ATRX: variants seen among roughly 807,000 people sequenced by gnomAD.
ATRX encodes chromatin remodeler ATRX.
A neutral mutation model predicts 172.6 loss-of-function variants in ATRX; 12 were observed. The observed-to-expected ratio is 0.07, with a 90% confidence interval of 0.04 to 0.11. The LOEUF is 0.11. ATRX is among the 10% of genes least tolerant of loss of function. The pLI, the probability that ATRX is intolerant of heterozygous loss-of-function variation, is 1.00. For synonymous variants in ATRX, 674 were observed against 594.7 expected, an observed-to-expected ratio of 1.13 and a Z score of -1.94; for missense variants, 1,368 against 1,767.4, an observed-to-expected ratio of 0.77 and a Z score of 4.05.
intron 20 of ATRX, 86 bp downstream of exon 20, chrX:77,620,309 G>A (rs2148267494): frequency 9.7e-7 from 1 of 1,031,514 alleles, no homozygotes; most frequent in Non-Finnish European, 1.4e-6. Context: ...ACTAGAATAA[G>A]TAGAAGAAAG....
At chrX:77,774,609 G>A (rs1025786408) in intron 1 of ATRX, among the ~76,000 whole-genome samples, 6 of 110,712 alleles carry the variant, frequency 5.4e-5, no homozygotes, top group African/African-American at 9.9e-5. Flanking sequence ...CCCAGCAGGC[G>A]GAGCTTGCAG....
intron 19 of ATRX, among the ~76,000 whole-genome samples, chrX:77,626,632 T>C (rs1384434450): frequency 1.8e-5 from 2 of 111,501 alleles, no homozygotes; most frequent in Non-Finnish European, 3.8e-5. Flanking sequence ...TCTTATGAGT[T>C]ACCAAGCCTG....
At chrX:77,602,598 C>G (rs2066722907) in intron 22 of ATRX, among the ~76,000 whole-genome samples, 1 of 109,474 alleles carries the variant, frequency 9.1e-6, no homozygotes, top group South Asian at 3.9e-4. Flanking sequence ...ATTCTAGTAC[C>G]CTGTGTTTTT....
intron 1 of ATRX, among the ~76,000 whole-genome samples, chrX:77,774,078 C>T (rs1172626699): frequency 9.1e-6 from 1 of 110,104 alleles, no homozygotes; most frequent in Non-Finnish European, 1.9e-5. Context: ...CAAAATTAGC[C>T]GTGCGTGGTG....
At chrX:77,653,513 AC>A (rs2069385830) in intron 14 of ATRX, among the ~76,000 whole-genome samples, 1 of 112,129 alleles carries the variant, frequency 8.9e-6, no homozygotes, top group African/African-American at 3.2e-5. Context: ...ATTCTTGGAG[AC>A]ATAAATGAAA....
chrX:77,568,980 TACA>T (rs1316775508), intron 28 of ATRX, among the ~76,000 whole-genome samples: 1 of 111,052 alleles, frequency 9.0e-6, no homozygotes, highest in Non-Finnish European at 1.9e-5. Context: ...ACAAAAAAAG[TACA>T]ACATGGCTGT....
intron 1 of ATRX, among the ~76,000 whole-genome samples, chrX:77,780,145 T>C (rs782652334): frequency 3.4e-4 from 38 of 111,739 alleles, no homozygotes; most frequent in African/African-American, 1.2e-3. Context: ...CAACCAGGTA[T>C]ACATGATACT....
intron 1 of ATRX, among the ~76,000 whole-genome samples, chrX:77,751,307 G>T (rs782778159): frequency 8.9e-6 from 1 of 112,136 alleles, no homozygotes; most frequent in South Asian, 3.6e-4. Flanking sequence ...TTTCACATTT[G>T]TTGGCCACAT....
chrX:77,733,431 C>T (rs782150687), intron 1 of ATRX, among the ~76,000 whole-genome samples: 1 of 111,304 alleles, frequency 9.0e-6, no homozygotes, highest in African/African-American at 3.3e-5. Flanking sequence ...ACCAAAACAG[C>T]ATGATTCTGG....
At chrX:77,716,294 G>A (rs2073396520) in intron 2 of ATRX, among the ~76,000 whole-genome samples, 1 of 39,775 alleles carries the variant, frequency 2.5e-5, no homozygotes, top group South Asian at 2.6e-3. Context: ...GCAAGACCTC[G>A]TCTCTTTAAA....
chrX:77,667,160 T>C (rs1197795541), intron 10 of ATRX, among the ~76,000 whole-genome samples: 1 of 110,877 alleles, frequency 9.0e-6, no homozygotes, highest in African/African-American at 3.3e-5. Flanking sequence ...AGCAAATTTC[T>C]ATGTCTGGCA....
At chrX:77,525,673 T>C (rs1245421869) in intron 30 of ATRX, among the ~76,000 whole-genome samples, 2 of 112,456 alleles carry the variant, frequency 1.8e-5, no homozygotes, top group African/African-American at 6.5e-5. Context: ...CTATCTGTGC[T>C]ACTGATTCTT....
chrX:77,772,183 G>A (rs1479321066), intron 1 of ATRX, among the ~76,000 whole-genome samples: 34 of 108,493 alleles, frequency 3.1e-4, no homozygotes, highest in Non-Finnish European at 3.1e-4. Flanking sequence ...CTGTAGTCCC[G>A]GCTACTCAGG....
At chrX:77,607,439 C>T (rs2066954329) in intron 22 of ATRX, among the ~76,000 whole-genome samples, 1 of 111,452 alleles carries the variant, frequency 9.0e-6, no homozygotes, top group Non-Finnish European at 1.9e-5. Context: ...CGAGGCAGGG[C>T]ACGGTGGCTC....
intron 1 of ATRX, among the ~76,000 whole-genome samples, chrX:77,755,569 G>C (rs2075459239): frequency 8.9e-6 from 1 of 111,964 alleles, no homozygotes; most frequent in African/African-American, 3.2e-5. Context: ...CTATTTGTTA[G>C]TTTTTCATCT....
chrX:77,670,383 A>T (rs922418655), intron 10 of ATRX, among the ~76,000 whole-genome samples: 13 of 112,280 alleles, frequency 1.2e-4, no homozygotes, highest in Admixed American at 2.8e-4. Context: ...GAGTATAGCC[A>T]AGGAATGTTA....
At chrX:77,659,196 T>C (rs1569536226) in intron 12 of ATRX, among the ~76,000 whole-genome samples, 1 of 110,037 alleles carries the variant, frequency 9.1e-6, no homozygotes, top group African/African-American at 3.3e-5. Flanking sequence ...TAAAAATGGG[T>C]AAAATGGTAA....
Position 77,733,069 on chromosome X carries a change from T to TA in ATRX, c.21-15827dup, listed in dbSNP as rs782582654. Among the ~76,000 whole-genome samples the TA allele has an allele frequency of 3.5e-4, 39 of 112,118 alleles. No homozygotes were observed. The East Asian group carries it at 6.4e-3, about 18-fold the overall frequency. ...AAACAAATTCAGTAAACTGTCAGTA[T>TA]AAAAAATCAATATACAAAAATCAGC... On this transcript the variant is annotated intron_variant, in intron 1 of 34. Transcript: ENST00000373344.
chrX:77,717,060 G>T, intron 2 of ATRX, 71 bp downstream of exon 2: 2 of 874,208 alleles, frequency 2.3e-6, no homozygotes, highest in Admixed American at 2.6e-5. Flanking sequence ...AAAATAAATG[G>T]TTACCTCCAT....
Sources: gnomAD v4.1 joint callset for allele counts (sites outside exome capture counted in the v4.1 genomes callset) on GRCh38, gnomAD v4.1.1 for gene constraint, MANE v1.5 for transcripts, NCBI Gene and HGNC (gene_info 2026-07-23, HGNC 2026-07-21) for gene names.